Variants in NSMCE2 observed in about 807,000 individuals in gnomAD.
The protein encoded by NSMCE2 is E3 SUMO-protein ligase NSE2.
NSMCE2 carries 24 observed loss-of-function variants against 23.8 expected under a neutral mutation model. The observed-to-expected ratio is 1.01, with a 90% CI of 0.73 to 1.42. The LOEUF is 1.42. Ranked by LOEUF, NSMCE2 falls within the 40% of genes most tolerant of loss-of-function variation. The pLI, the probability that NSMCE2 is intolerant of heterozygous loss-of-function variation, is 0.00. For synonymous variants in NSMCE2, 92 were observed against 94.1 expected (o/e 0.98, Z 0.13); for missense variants, 284 against 296.5 (o/e 0.96, Z 0.31).
At chr8:125,294,287 T>C (rs182016588) in intron 5 of NSMCE2, among the ~76,000 whole-genome samples, 337 of 152,326 alleles carry the variant, frequency 2.2e-3, no homozygotes, top group African/African-American at 7.7e-3. Context: ...AGTGGACATT[T>C]GTTTTTATTT....
At chr8:125,267,309 G>A (rs1826964314) in intron 5 of NSMCE2, among the ~76,000 whole-genome samples, 1 of 152,008 alleles carries the variant, frequency 6.6e-6, no homozygotes, top group Non-Finnish European at 1.5e-5. Flanking sequence ...GCCCAGCCAA[G>A]GGTACCTTTT....
At chr8:125,304,712 C>G (rs1409390992) in intron 5 of NSMCE2, among the ~76,000 whole-genome samples, 3 of 151,814 alleles carry the variant, frequency 2.0e-5, no homozygotes, top group African/African-American at 7.3e-5. Flanking sequence ...CAAAAATTAG[C>G]CAGGCATGGT....
chr8:125,313,200 GAGAAAGAA>G (rs148902901), intron 5 of NSMCE2, among the ~76,000 whole-genome samples: 3 of 144,000 alleles, frequency 2.1e-5, no homozygotes, highest in Non-Finnish European at 3.0e-5. Flanking sequence ...GAAAGAGAGA[GAGAAAGAA>G]AGAAAGAAAA....
chr8:125,093,897 A>G (rs1295531123), intron 1 of NSMCE2, among the ~76,000 whole-genome samples: 1 of 152,164 alleles, frequency 6.6e-6, no homozygotes, highest in Admixed American at 6.5e-5. Flanking sequence ...CCTGGACCCA[A>G]GGAGTCCTCC....
At chr8:125,359,986 A>G (rs1364120484) in intron 7 of NSMCE2, among the ~76,000 whole-genome samples, 1 of 152,228 alleles carries the variant, frequency 6.6e-6, no homozygotes, top group Non-Finnish European at 1.5e-5. Context: ...GGTTTAAGTT[A>G]TAGAAAATTA....
intron 5 of NSMCE2, among the ~76,000 whole-genome samples, chr8:125,237,611 G>C (rs75123658): frequency 1.3e-5 from 2 of 152,312 alleles, no homozygotes; most frequent in South Asian, 4.1e-4. Flanking sequence ...GAGTAATTCA[G>C]TTATGCCCTA....
chr8:125,291,704 A>T (rs374992683), intron 5 of NSMCE2, among the ~76,000 whole-genome samples: 3 of 152,314 alleles, frequency 2.0e-5, no homozygotes, highest in African/African-American at 4.8e-5. Context: ...TTCTGGAGTT[A>T]TATTAGTATT....
chr8:125,139,749 G>A (rs111835213), intron 3 of NSMCE2, among the ~76,000 whole-genome samples: 2,939 of 152,254 alleles, frequency 0.019, 87 homozygotes, highest in African/African-American at 0.068. Flanking sequence ...TTTGGGTGAG[G>A]ACACAGCCAA....
chr8:125,116,279 A>C (rs573618194), intron 3 of NSMCE2, among the ~76,000 whole-genome samples: 1 of 152,356 alleles, frequency 6.6e-6, no homozygotes, highest in Admixed American at 6.5e-5. Context: ...GAACATTTGA[A>C]CTTGGCAAGG....
intron 5 of NSMCE2, among the ~76,000 whole-genome samples, chr8:125,305,995 A>G (rs1828740936): frequency 6.6e-6 from 1 of 152,206 alleles, no homozygotes; most frequent in South Asian, 2.1e-4. Flanking sequence ...TTGAGAGTCA[A>G]TAGCCAGGCA....
intron 1 of NSMCE2, among the ~76,000 whole-genome samples, chr8:125,095,817 G>C (rs1269578188): frequency 6.7e-6 from 1 of 149,372 alleles, no homozygotes; most frequent in African/African-American, 2.5e-5. Flanking sequence ...GGGAGGCGTA[G>C]GTTGCAGTGA....
At chr8:125,224,011 A>T (rs1359455632) in intron 5 of NSMCE2, among the ~76,000 whole-genome samples, 1 of 151,680 alleles carries the variant, frequency 6.6e-6, no homozygotes, top group Non-Finnish European at 1.5e-5. Flanking sequence ...TAATTTTTTT[A>T]AATTTTTAGT....
chr8:125,307,352 C>T (rs1273766907), intron 5 of NSMCE2, among the ~76,000 whole-genome samples: 1 of 152,182 alleles, frequency 6.6e-6, no homozygotes, highest in African/African-American at 2.4e-5. Context: ...AGAAGATAGG[C>T]AGGCGGCCAG....
intron 1 of NSMCE2, among the ~76,000 whole-genome samples, chr8:125,096,935 G>A (rs1817967145): frequency 6.6e-6 from 1 of 151,950 alleles, no homozygotes; most frequent in Non-Finnish European, 1.5e-5. Flanking sequence ...TAAAGTGTGC[G>A]TGACTCCATT....
intron 5 of NSMCE2, among the ~76,000 whole-genome samples, chr8:125,243,704 G>T (rs561786370): frequency 6.6e-6 from 1 of 152,184 alleles, no homozygotes; most frequent in African/African-American, 2.4e-5. Flanking sequence ...ATGTGTGAGA[G>T]TCAGGTAAGG....
intron 3 of NSMCE2, among the ~76,000 whole-genome samples, chr8:125,107,688 TAAAAAA>T (rs1280747113): frequency 6.6e-6 from 1 of 151,940 alleles, no homozygotes; most frequent in African/African-American, 2.4e-5. Flanking sequence ...GTGCAAATGT[TAAAAAA>T]GAAAAAGAAA....
chr8:125,291,812 A>G (rs1463294944), intron 5 of NSMCE2, among the ~76,000 whole-genome samples: 3 of 152,232 alleles, frequency 2.0e-5, no homozygotes, highest in Admixed American at 2.0e-4. Flanking sequence ...AGCTTTATTC[A>G]TTAGAGTAAC....
chr8:125,235,428 G>A (rs1387864694), intron 5 of NSMCE2, among the ~76,000 whole-genome samples: 1 of 152,066 alleles, frequency 6.6e-6, no homozygotes, highest in Non-Finnish European at 1.5e-5. Context: ...ATATTTGAAA[G>A]TGAAAAGATA....
chr8:125,363,472 G>C (rs1813644764), intron 7 of NSMCE2, among the ~76,000 whole-genome samples: 1 of 150,518 alleles, frequency 6.6e-6, no homozygotes, highest in Non-Finnish European at 1.5e-5. Flanking sequence ...TGCCACTCCA[G>C]TCTGGGTGAC....
Sources: gnomAD v4.1 joint callset for allele counts (sites outside exome capture counted in the v4.1 genomes callset) on GRCh38, gnomAD v4.1.1 for gene constraint, MANE v1.5 for transcripts, NCBI Gene and HGNC (gene_info 2026-07-23, HGNC 2026-07-21) for gene names.